Variants in ERG observed in about 807,000 individuals in gnomAD.
ERG encodes the protein ETS transcription factor ERG.
ERG carries 9 observed loss-of-function variants against 55.3 expected under a neutral mutation model. That is an observed-to-expected ratio of 0.16 (90% CI 0.10 to 0.28). ERG has a LOEUF of 0.28. Among genes scored for constraint, ERG ranks in the 10% least tolerant of loss-of-function variants. ERG has a pLI of 1.00. For missense variants in ERG, 434 were observed against 631.6 expected (o/e 0.69, Z 3.35); for synonymous variants, 223 against 237.3 (o/e 0.94, Z 0.55).
chr21:38,370,555 T>A, the ERG span, among the ~76,000 whole-genome samples: 1 of 152,230 alleles, frequency 6.6e-6, no homozygotes, highest in African/African-American at 2.4e-5. Flanking sequence ...TAAGTTTAAA[T>A]TTTACATTTA....
rs1025001223 is a variant in ERG, at chr21:38,429,376, T to C, written c.237-5815A>G. Among the ~76,000 whole-genome samples the C allele has an allele frequency of 2.3e-5, 2 of 87,902 alleles. 1 individual carries two copies. The highest frequency in any genetic ancestry group is 5.8e-5 in the Non-Finnish European group (2 of 34,674). 57.7% of individuals were successfully genotyped at this position (87,902 alleles called of 152,430 possible). A position where few individuals can be genotyped will look rare whatever the true frequency, so the allele number is the denominator to read the frequency against. ...TATACATATATAATATGTACACATA[T>C]ACATATATATGTACACATATACACA... On this transcript the variant is annotated intron_variant, in intron 2 of 9. Coordinates refer to ENST00000288319, the MANE Select transcript of ERG (RefSeq NM_182918.4).
At chr21:38,504,359 C>A (rs927169375) in intron 2 of ERG, among the ~76,000 whole-genome samples, 1 of 152,186 alleles carries the variant, frequency 6.6e-6, no homozygotes, top group Non-Finnish European at 1.5e-5. Context: ...TGCTCTTACT[C>A]AACTCCATAT....
intron 2 of ERG, among the ~76,000 whole-genome samples, chr21:38,507,072 G>T (rs1568865211): frequency 6.6e-6 from 1 of 152,106 alleles, no homozygotes; most frequent in African/African-American, 2.4e-5. Context: ...TGCAACTGCA[G>T]ATAAAAGACG....
intron 1 of ERG, among the ~76,000 whole-genome samples, chr21:38,640,871 C>T (rs750436699): frequency 3.4e-4 from 51 of 152,140 alleles, no homozygotes; most frequent in Non-Finnish European, 6.9e-4. Context: ...AAAGGGGGCT[C>T]TCTGGGAAAA....
At chr21:38,440,201 G>C (rs1017223029) in intron 2 of ERG, among the ~76,000 whole-genome samples, 1 of 152,176 alleles carries the variant, frequency 6.6e-6, no homozygotes, top group African/African-American at 2.4e-5. Flanking sequence ...GAAGCTATTG[G>C]GCCAGGGGCC....
chr21:38,615,810 C>T (rs1012257495), intron 1 of ERG, among the ~76,000 whole-genome samples: 6 of 151,976 alleles, frequency 3.9e-5, no homozygotes, highest in African/African-American at 1.4e-4. Flanking sequence ...CCATTACAGT[C>T]AACTTCAAGC....
At chr21:38,538,918 C>G (rs555490294) in intron 2 of ERG, among the ~76,000 whole-genome samples, 1 of 152,000 alleles carries the variant, frequency 6.6e-6, no homozygotes, top group African/African-American at 2.4e-5. Flanking sequence ...CCTCCAGGAA[C>G]AGAGACTGCC....
chr21:38,545,084 T>C (rs765347135), intron 2 of ERG, among the ~76,000 whole-genome samples: 1 of 152,136 alleles, frequency 6.6e-6, no homozygotes, highest in Non-Finnish European at 1.5e-5. Context: ...TTAAAATCCA[T>C]TTGGAATTTA....
intron 1 of ERG, among the ~76,000 whole-genome samples, chr21:38,480,944 G>T (rs1387007481): frequency 6.6e-6 from 1 of 151,998 alleles, no homozygotes; most frequent in Non-Finnish European, 1.5e-5. Flanking sequence ...CTAATTTTTG[G>T]TATATTTTCC....
chr21:38,433,432 A>T (rs1990310776), intron 2 of ERG, among the ~76,000 whole-genome samples: 1 of 152,240 alleles, frequency 6.6e-6, no homozygotes, highest in South Asian at 2.1e-4. Context: ...AAACAAAAAA[A>T]AAGCGGGGTT....
At chr21:38,619,766 C>T (rs1190863300) in intron 1 of ERG, among the ~76,000 whole-genome samples, 3 of 152,252 alleles carry the variant, frequency 2.0e-5, no homozygotes, top group South Asian at 4.1e-4. Flanking sequence ...CTTAATGTAG[C>T]ATCATTGTCA....
At chr21:38,618,061 G>T (rs2060269017) in intron 1 of ERG, among the ~76,000 whole-genome samples, 1 of 152,306 alleles carries the variant, frequency 6.6e-6, no homozygotes, top group South Asian at 2.1e-4. Context: ...TTACAACTTT[G>T]CCCACTTGAC....
chr21:38,562,805 T>A (rs1390130537), intron 2 of ERG, among the ~76,000 whole-genome samples: 1 of 151,326 alleles, frequency 6.6e-6, no homozygotes. Context: ...GGACCGAGAG[T>A]GTGGGAGGTG....
intron 1 of ERG, among the ~76,000 whole-genome samples, chr21:38,629,394 A>G (rs943686807): frequency 2.6e-5 from 4 of 152,224 alleles, no homozygotes; most frequent in African/African-American, 4.8e-5. Flanking sequence ...GTTAAAATCC[A>G]TTTTAGTTGC....
chr21:38,631,317 T>G (rs79605135), intron 1 of ERG, among the ~76,000 whole-genome samples: 2,865 of 152,176 alleles, frequency 0.019, 40 homozygotes, highest in East Asian at 0.05. Context: ...CTCACATGGT[T>G]AAGAGAGAGA....
chr21:38,392,406 C>T lies in ERG; in HGVS notation c.784G>A (p.Gly262Ser), dbSNP rs747584221. 1.7e-5 allele frequency: 26 copies of T among 1,566,838 alleles called. No homozygotes were observed. The highest frequency in any genetic ancestry group is 3.3e-4 in the Middle Eastern group (2 of 6,014). Reference protein sequence around the residue: ...YEPPRRSAWTGHGHPTPQSKA... With the variant: ...YEPPRRSAWTSHGHPTPQSKA... The stretch of plus-strand genomic sequence containing the variant: ...GACTGGGGCGTGGGGTGGCCGTGAC[C>T]GGTCCAGGCTGATCTCCTGGGGGGC... The change falls in exon 7 of 10, where the codon GGT becomes AGT. Residue 262 changes from glycine to serine, a missense_variant. Around this residue, in one of 5 missense-constraint regions of ERG, gnomAD observed 99 missense variants for 145.6 expected, o/e 0.68. Coordinates refer to ENST00000288319, the MANE Select transcript of ERG (RefSeq NM_182918.4).
intron 2 of ERG, among the ~76,000 whole-genome samples, chr21:38,444,794 G>A (rs1360219822): frequency 3.9e-5 from 6 of 151,970 alleles, no homozygotes; most frequent in Non-Finnish European, 7.4e-5. Context: ...GTGGGGTGAG[G>A]GTGGAGGGCA....
intron 3 of ERG, among the ~76,000 whole-genome samples, chr21:38,416,027 T>G (rs573860518): frequency 6.6e-6 from 1 of 152,318 alleles, no homozygotes; most frequent in East Asian, 1.9e-4. Context: ...TCGGAGGGTA[T>G]GTTCTATTAC....
rs553660400 is a variant in ERG at position 38,522,609 on chromosome 21, T to C, written c.-41+53053A>G. Among the ~76,000 whole-genome samples the C allele has an allele frequency of 1.6e-4, 25 of 152,344 alleles. 1 individual carries two copies. In the South Asian group the frequency reaches 4.3e-3, roughly 26 times the overall value. ...TATTTTTAATCAACTTACAGTGTAG[T>C]AGATCAAGCATATCTAAATATTTTA... On this transcript the variant is annotated intron_variant, in intron 2 of 8. Transcript: ENST00000398897.
Sources: allele counts gnomAD v4.1 joint callset (sites outside exome capture counted in the v4.1 genomes callset), GRCh38; gene constraint gnomAD v4.1.1; regional missense constraint gnomAD v4.1.1; transcripts MANE v1.5; gene names NCBI Gene and HGNC (gene_info 2026-07-23, HGNC 2026-07-21).